Variants in HYDIN observed in about 807,000 individuals in gnomAD.
The protein encoded by HYDIN is axonemal central pair apparatus protein HYDIN.
Under a neutral mutation model 403.9 loss-of-function variants are expected in HYDIN, and 132 were observed. That is an observed-to-expected ratio of 0.33 (90% CI 0.28 to 0.38). The LOEUF (loss-of-function observed/expected upper bound fraction) is 0.38, where lower values mean the gene tolerates loss of function less well. HYDIN is among the 10% of genes least tolerant of loss of function. HYDIN has a pLI of 1.00. For missense variants in HYDIN, 2,827 were observed against 5,009.5 expected, an observed-to-expected ratio of 0.56 and a Z score of 13.15; for synonymous variants, 1,202 against 1,891.7, an observed-to-expected ratio of 0.64 and a Z score of 9.46.
At chr16:71,209,167 C>A (rs1026841847) in intron 1 of HYDIN, among the ~76,000 whole-genome samples, 2 of 150,216 alleles carry the variant, frequency 1.3e-5, no homozygotes, top group African/African-American at 4.9e-5. Context: ...CAAACTGAAT[C>A]CAGTAGCACA....
rs112574801 is a variant in HYDIN at position 71,221,564 on chromosome 16, G to A, written c.-24+8998C>T. On this transcript the variant is annotated intron_variant, in intron 1 of 85. Coordinates refer to ENST00000393567, the MANE Select transcript of HYDIN (RefSeq NM_001270974.2). ...AATAAACAAGCATACTAAGAGAGTGGGAAAAGCACCCTGAACAAGAACCAG... is the reference window on the plus strand; with the variant it reads ...AATAAACAAGCATACTAAGAGAGTGAGAAAAGCACCCTGAACAAGAACCAG... Among the ~76,000 whole-genome samples, 10 of 151,952 alleles carry A rather than the reference G, an allele frequency of 6.6e-5. 1 individual carries two copies. Among genetic ancestry groups the A allele is most frequent in the African/African-American group, 2.4e-4 (10 of 41,454 alleles).
intron 13 of HYDIN, among the ~76,000 whole-genome samples, chr16:71,077,674 T>A (rs2082660337): frequency 6.6e-6 from 1 of 151,988 alleles, no homozygotes; most frequent in African/African-American, 2.4e-5. Flanking sequence ...TTTTTGTTTT[T>A]TTTGTCTCTG....
intron 19 of HYDIN, among the ~76,000 whole-genome samples, chr16:71,028,327 A>G (rs527938488): frequency 1.3e-5 from 2 of 152,182 alleles, no homozygotes; most frequent in African/African-American, 4.8e-5. Flanking sequence ...ATATTCTCTA[A>G]GCTTTAACAG....
chr16:70,842,867 T>C (rs941176294), intron 75 of HYDIN, among the ~76,000 whole-genome samples: 1 of 151,960 alleles, frequency 6.6e-6, no homozygotes, highest in African/African-American at 2.4e-5. Flanking sequence ...TAAGTAGATA[T>C]TTTCTAGTGT....
Position 70,884,041 on chromosome 16 carries a change from G to C in HYDIN, c.9858C>G (p.Asp3286Glu), listed in dbSNP as rs965113656. Reference protein sequence around the residue: ...PSGGQQVINVDCVADAMGKCE... With the variant: ...PSGGQQVINVECVADAMGKCE... Reference sequence around the variant, plus strand: ...ACTTTCCCATGGCGTCAGCCACACAGTCAACGTTGATGACCTGCTGTCCTC... The same window carrying C: ...ACTTTCCCATGGCGTCAGCCACACACTCAACGTTGATGACCTGCTGTCCTC... Residue 3286 changes from aspartate to glutamate, a missense_variant, in exon 59 of 86, where the codon GAC becomes GAG. By Grantham distance (45) the Asp-to-Glu change is conservative. Coordinates refer to ENST00000393567, the MANE Select transcript of HYDIN (RefSeq NM_001270974.2). 1.2e-6 allele frequency: 2 copies of C among 1,613,972 alleles called. No individual in the cohort carries two copies. The highest frequency in any genetic ancestry group is 8.5e-7 in the Non-Finnish European group (1 of 1,180,024).
chr16:71,205,713 T>C (rs2088262642), intron 1 of HYDIN, among the ~76,000 whole-genome samples: 2 of 152,318 alleles, frequency 1.3e-5, no homozygotes, highest in African/African-American at 2.4e-5. Flanking sequence ...TAGCCAGCTA[T>C]GCAACACTTG....
At chr16:70,909,889 G>T (rs1486222800) in intron 47 of HYDIN, among the ~76,000 whole-genome samples, 1 of 149,756 alleles carries the variant, frequency 6.7e-6, no homozygotes, top group Non-Finnish European at 1.5e-5. Flanking sequence ...TAGAGACGGG[G>T]TTTCACCATG....
intron 11 of HYDIN, among the ~76,000 whole-genome samples, chr16:71,092,418 A>G (rs2083138666): frequency 1.3e-5 from 2 of 152,200 alleles, no homozygotes; most frequent in African/African-American, 4.8e-5. Context: ...AGAAACTTCT[A>G]GCATATTTGA....
At chr16:71,165,669 T>C (rs898698292) in intron 5 of HYDIN, among the ~76,000 whole-genome samples, 3 of 151,792 alleles carry the variant, frequency 2.0e-5, no homozygotes, top group African/African-American at 7.3e-5. Context: ...CATTTGGTAG[T>C]GATGAGTGAC....
At chr16:71,088,871 TTC>T (rs2144366166) in intron 11 of HYDIN, among the ~76,000 whole-genome samples, 1 of 58,202 alleles carries the variant, frequency 1.7e-5, no homozygotes, top group South Asian at 6.5e-4. Flanking sequence ...AAGTAAGTAT[TTC>T]TCTTATACGC....
chr16:71,169,199 G>A (rs1308020222), intron 5 of HYDIN, among the ~76,000 whole-genome samples: 31 of 152,182 alleles, frequency 2.0e-4, no homozygotes, highest in Non-Finnish European at 1.5e-5. Context: ...GCTAAGATGG[G>A]CAGATCACTT....
chr16:70,886,862 G>T (rs1408101031), intron 58 of HYDIN, among the ~76,000 whole-genome samples: 1 of 152,022 alleles, frequency 6.6e-6, no homozygotes, highest in African/African-American at 2.4e-5. Flanking sequence ...ACTATGATGT[G>T]TGTTGGTAAG....
At chr16:71,103,738 C>A (rs1342048319) in intron 10 of HYDIN, among the ~76,000 whole-genome samples, 3 of 151,314 alleles carry the variant, frequency 2.0e-5, no homozygotes, top group Admixed American at 6.6e-5. Flanking sequence ...AGGTTGTTTG[C>A]ATTTCCATGT....
Position 71,169,025 on chromosome 16 carries a change from A to G in HYDIN, c.517-6295T>C, listed in dbSNP as rs1029541817. Among the ~76,000 whole-genome samples the G allele has an allele frequency of 1.6e-4, 24 of 152,220 alleles. 1 individual carries two copies. On this transcript the variant is annotated intron_variant, in intron 5 of 85. Transcript: ENST00000393567. ...TCTGGGTATATATCCAAAGGAAATGAAATCAGTATGTGGAAGAGCTACCTG... is the reference window on the plus strand; with the variant it reads ...TCTGGGTATATATCCAAAGGAAATGGAATCAGTATGTGGAAGAGCTACCTG...
chr16:70,914,447 G>A (rs1284400336), intron 47 of HYDIN, among the ~76,000 whole-genome samples: 2 of 150,170 alleles, frequency 1.3e-5, no homozygotes, highest in Admixed American at 1.3e-4. Flanking sequence ...TTTTGTTTGA[G>A]GAGTCTGAAG....
At chr16:70,899,899 C>T (rs1448441360) in intron 53 of HYDIN, among the ~76,000 whole-genome samples, 2 of 151,148 alleles carry the variant, frequency 1.3e-5, no homozygotes, top group African/African-American at 2.5e-5. Flanking sequence ...CAAGACAGTG[C>T]GTGGGAGCCA....
At chr16:70,822,561 T>C (rs1438708861) in intron 83 of HYDIN, among the ~76,000 whole-genome samples, 1 of 152,224 alleles carries the variant, frequency 6.6e-6, no homozygotes, top group Non-Finnish European at 1.5e-5. Context: ...TGAAAGAAGT[T>C]ATATTGTGGG....
intron 52 of HYDIN, among the ~76,000 whole-genome samples, chr16:70,901,864 G>A (rs1178638499): frequency 2.0e-5 from 3 of 152,034 alleles, no homozygotes; most frequent in Admixed American, 6.6e-5. Flanking sequence ...GATTATAGGC[G>A]TGAGCCACTG....
chr16:70,921,014 G>C lies in HYDIN; in HGVS notation c.7362C>G (p.Ala2454=), dbSNP rs991879387. 1.3e-6 allele frequency: 2 copies of C among 1,584,368 alleles called. No homozygotes were observed. Among genetic ancestry groups the C allele is most frequent in the African/African-American group, 2.7e-5 (2 of 73,462 alleles). ...DNSKDPDKQL[A]PKFKTYELTL... ...TCAATTCATAGGTCTTAAACTTCGG[G>C]GCCAGTTGCTTGTCGGGGTCCTTTG... Residue 2454 remains alanine, a synonymous_variant, in exon 46 of 86, where the codon GCC becomes GCG. Transcript: ENST00000393567.
Sources: gnomAD v4.1 joint callset for allele counts (sites outside exome capture counted in the v4.1 genomes callset) on GRCh38, gnomAD v4.1.1 for gene constraint, MANE v1.5 for transcripts, NCBI Gene and HGNC (gene_info 2026-07-23, HGNC 2026-07-21) for gene names.